The following ST8SIA5 variants were observed in gnomAD, a reference collection of about 807,000 sequenced individuals.
ST8SIA5 encodes the protein ST8 alpha-N-acetyl-neuraminide alpha-2,8-sialyltransferase 5, also known as alpha-2,8-sialyltransferase 8E.
In ST8SIA5, 24 loss-of-function variants were observed where a neutral mutation model predicts 40.2. The ratio of observed to expected loss-of-function variants is 0.60; its 90% CI spans 0.43 to 0.84. The LOEUF (loss-of-function observed/expected upper bound fraction) is 0.84, where lower values mean the gene tolerates loss of function less well. Ranked by LOEUF, ST8SIA5 falls within the 40% of genes least tolerant of loss-of-function variation. The probability of loss-of-function intolerance (pLI) is 0.00; values close to 1 mark genes in which losing one functional copy is unlikely to be tolerated. For synonymous variants in ST8SIA5, 198 were observed against 201.8 expected, an observed-to-expected ratio of 0.98 and a Z score of 0.16; for missense variants, 465 against 498.5, an observed-to-expected ratio of 0.93 and a Z score of 0.64.
At chr18:46,723,514 T>G (rs1048728019) in intron 1 of ST8SIA5, among the ~76,000 whole-genome samples, 1 of 152,186 alleles carries the variant, frequency 6.6e-6, no homozygotes, top group African/African-American at 2.4e-5. Flanking sequence ...ATCACACTAC[T>G]GCACTCTAGC....
Position 46,679,985 on chromosome 18 carries a change from C to T in ST8SIA5, c.*57G>A. 1 of 1,531,038 alleles carries T rather than the reference C, an allele frequency of 6.5e-7. No individual in the cohort carries two copies. Among genetic ancestry groups the T allele is most frequent in the Middle Eastern group, 2.1e-4 (1 of 4,720 alleles). The allele number at this position is 1,531,038 out of a possible 1,614,324, so 94.8% of individuals were successfully genotyped here. A position where few individuals can be genotyped will look rare whatever the true frequency, so the allele number is the denominator to read the frequency against. On this transcript the variant is annotated 3_prime_UTR_variant, in exon 7 of 7. Coordinates refer to ENST00000315087, the MANE Select transcript of ST8SIA5 (RefSeq NM_013305.6). ...GCCCGGTTCGGGGCTCCCAGTTCCA[C>T]CAGGAGGGACAGCAGGAGAGGGGGC...
chr18:46,727,987 G>A (rs1177606535), intron 1 of ST8SIA5, among the ~76,000 whole-genome samples: 1 of 152,082 alleles, frequency 6.6e-6, no homozygotes, highest in Non-Finnish European at 1.5e-5. Context: ...ACAAGGTCAA[G>A]GGATCGAGAC....
chr18:46,727,950 A>G (rs1323630055), intron 1 of ST8SIA5, among the ~76,000 whole-genome samples: 1 of 152,194 alleles, frequency 6.6e-6, no homozygotes, highest in African/African-American at 2.4e-5. Flanking sequence ...GCCTGTAAGC[A>G]TTTTGGGAGG....
Position 46,680,232 on chromosome 18 carries a change from TCA to T in ST8SIA5, c.939_940del (p.Cys313Ter). On this transcript the variant is annotated stop_gained and frameshift_variant, in exon 7 of 7. Transcript: ENST00000315087. LOFTEE classifies it high-confidence loss of function. ...CCAGAAGCCAAAGAGGTGCACCTCC[TCA>T]CAGAGCTCCAGCGCCGCAGTGACCA... 1.2e-6 allele frequency: 2 copies of T among 1,614,188 alleles called. No homozygotes were observed. Among genetic ancestry groups the T allele is most frequent in the Non-Finnish European group, 1.7e-6 (2 of 1,180,020 alleles).
intron 1 of ST8SIA5, among the ~76,000 whole-genome samples, chr18:46,719,633 T>C (rs549830598): frequency 6.6e-6 from 1 of 152,294 alleles, no homozygotes; most frequent in Non-Finnish European, 1.5e-5. Context: ...GGCCCGTCGG[T>C]CCGCCTTGCT....
intron 1 of ST8SIA5, among the ~76,000 whole-genome samples, chr18:46,714,193 C>G (rs1482657808): frequency 2.6e-5 from 4 of 152,094 alleles, no homozygotes; most frequent in Non-Finnish European, 4.4e-5. Context: ...TGGTGGCCAT[C>G]AAGTTGGGGG....
intron 1 of ST8SIA5, among the ~76,000 whole-genome samples, chr18:46,724,123 A>T (rs1451007607): frequency 2.0e-5 from 3 of 152,202 alleles, no homozygotes; most frequent in Non-Finnish European, 4.4e-5. Flanking sequence ...GGACTGTCTC[A>T]GTTGCCTTCA....
chr18:46,710,874 TTCTA>T (rs1019291693), intron 1 of ST8SIA5, among the ~76,000 whole-genome samples: 5 of 152,078 alleles, frequency 3.3e-5, no homozygotes, highest in African/African-American at 9.7e-5. Flanking sequence ...GCATTCAGCT[TTCTA>T]TCTAACACTT....
At chr18:46,725,541 G>A (rs572395590) in intron 1 of ST8SIA5, among the ~76,000 whole-genome samples, 12 of 113,098 alleles carry the variant, frequency 1.1e-4, no homozygotes, top group Admixed American at 6.0e-4. Flanking sequence ...TGGCACGGGT[G>A]GGGGGGGAAC....
rs1282521236 is a variant in ST8SIA5 at position 46,710,449 on chromosome 18, TTC to T, written c.132-5787_132-5786del. Among the ~76,000 whole-genome samples the T allele has an allele frequency of 2.8e-4, 41 of 143,916 alleles. 1 individual carries two copies. The South Asian group carries it at 7.5e-3, about 26-fold the overall frequency. 94.4% of individuals were successfully genotyped at this position (143,916 alleles called of 152,430 possible). A position where few individuals can be genotyped will look rare whatever the true frequency, so the allele number is the denominator to read the frequency against. On this transcript the variant is annotated intron_variant, in intron 1 of 6. Transcript: ENST00000315087. ...TCTCTCTCTTTCTTTTTCTTTTTCTTTCTCTCTTTCCTTCCTTCCTTCTCCCT... is the reference window on the plus strand; with the variant it reads ...TCTCTCTCTTTCTTTTTCTTTTTCTTTCTCTTTCCTTCCTTCCTTCTCCCT...
intron 1 of ST8SIA5, among the ~76,000 whole-genome samples, chr18:46,708,785 G>C (rs1167863932): frequency 2.6e-5 from 4 of 152,096 alleles, no homozygotes; most frequent in African/African-American, 9.7e-5. Flanking sequence ...ACTGATCTGG[G>C]TGCTTCTTCC....
intron 6 of ST8SIA5, 108 bp from the exon 7 acceptor site, chr18:46,680,618 T>A (rs1568247567): frequency 1.8e-6 from 2 of 1,138,558 alleles, no homozygotes; most frequent in Non-Finnish European, 2.4e-6. Context: ...AAGGGACTCA[T>A]AAGGCCACCT....
At chr18:46,684,497 C>T (rs1448013811) in intron 5 of ST8SIA5, among the ~76,000 whole-genome samples, 2 of 152,152 alleles carry the variant, frequency 1.3e-5, no homozygotes, top group Non-Finnish European at 2.9e-5. Context: ...TTATCATCCT[C>T]ATCTTTCATT....
At chr18:46,685,194 A>G (rs2039434021) in intron 5 of ST8SIA5, among the ~76,000 whole-genome samples, 1 of 152,198 alleles carries the variant, frequency 6.6e-6, no homozygotes, top group Admixed American at 6.5e-5. Flanking sequence ...TGGAGCCTGG[A>G]TCAAAGTTCA....
intron 1 of ST8SIA5, among the ~76,000 whole-genome samples, chr18:46,738,531 A>G (rs564944300): frequency 1.8e-4 from 28 of 152,304 alleles, no homozygotes; most frequent in Middle Eastern, 6.8e-3. Flanking sequence ...TCCCTGGATC[A>G]CTTGCTGGCC....
chr18:46,717,236 T>A (rs958681731), intron 1 of ST8SIA5, among the ~76,000 whole-genome samples: 4 of 152,180 alleles, frequency 2.6e-5, no homozygotes, highest in Non-Finnish European at 5.9e-5. Context: ...GTACCCTCTA[T>A]CCTCCTCTGC....
intron 1 of ST8SIA5, among the ~76,000 whole-genome samples, chr18:46,734,076 G>C (rs919234464): frequency 6.6e-6 from 1 of 152,128 alleles, no homozygotes; most frequent in African/African-American, 2.4e-5. Context: ...GCCCCTCAGA[G>C]AAGGTGCCAG....
intron 1 of ST8SIA5, among the ~76,000 whole-genome samples, chr18:46,725,891 T>A (rs1171488816): frequency 2.1e-5 from 3 of 142,934 alleles, no homozygotes; most frequent in Admixed American, 1.4e-4. Flanking sequence ...TAGGCCATGG[T>A]GGGAGGATCA....
intron 1 of ST8SIA5, among the ~76,000 whole-genome samples, chr18:46,718,004 A>T (rs1568266884): frequency 5.9e-5 from 9 of 152,202 alleles, no homozygotes; most frequent in African/African-American, 1.9e-4. Flanking sequence ...CTTGTGCAAA[A>T]CACCCACTTA....
Sources: gnomAD v4.1 joint callset for allele counts (sites outside exome capture counted in the v4.1 genomes callset) on GRCh38, gnomAD v4.1.1 for gene constraint, MANE v1.5 for transcripts, NCBI Gene and HGNC (gene_info 2026-07-23, HGNC 2026-07-21) for gene names.